Variants in VPS37A observed in about 807,000 individuals in gnomAD.
The protein encoded by VPS37A is VPS37A subunit of ESCRT-I, also known as vacuolar protein sorting-associated protein 37A.
VPS37A carries 30 observed loss-of-function variants against 49.8 expected under a neutral mutation model. The ratio of observed to expected loss-of-function variants is 0.60; its 90% CI spans 0.45 to 0.82. The LOEUF is 0.82. Ranked by LOEUF, VPS37A falls within the 40% of genes least tolerant of loss-of-function variation. The pLI, the probability that VPS37A is intolerant of heterozygous loss-of-function variation, is 0.00. For missense variants in VPS37A, 593 were observed against 464.4 expected (o/e 1.28, Z -2.55); for synonymous variants, 195 against 160.6 (o/e 1.21, Z -1.62).
intron 11 of VPS37A, among the ~76,000 whole-genome samples, chr8:17,291,430 A>AT (rs34051181): frequency 0.096 from 12,375 of 128,974 alleles, 743 homozygotes; most frequent in African/African-American, 0.18. Context: ...GGATTCATTG[A>AT]TTTTTTTTTT....
the VPS37A span, among the ~76,000 whole-genome samples, chr8:17,316,728 C>T: frequency 0.25 from 37,464 of 151,930 alleles, 4,942 homozygotes; most frequent in African/African-American, 0.32. Context: ...TACACAGCAC[C>T]TACATTGTAT....
Position 17,295,115 on chromosome 8 carries a change from A to G in VPS37A, c.*129A>G, listed in dbSNP as rs1342048548. 1.3e-5 allele frequency: 2 copies of G among 152,666 alleles called. No homozygotes were observed. The highest frequency in any genetic ancestry group is 4.8e-5 in the African/African-American group (2 of 41,478). The allele number at this position is 152,666 out of a possible 1,614,324, so 9.5% of individuals were successfully genotyped here. A position where few individuals can be genotyped will look rare whatever the true frequency, so the allele number is the denominator to read the frequency against. ...CACAGATATCCTATATAGATTGTAT[A>G]CAGAACTGAGACTGATTTTGTACCG... is the stretch of plus-strand genomic sequence containing the variant. On this transcript the variant is annotated 3_prime_UTR_variant, in exon 12 of 12. Coordinates refer to ENST00000324849, the MANE Select transcript of VPS37A (RefSeq NM_152415.3).
chr8:17,304,614 T>TA (rs1817331344), downstream of VPS37A: 1 of 1,365,806 alleles, frequency 7.3e-7, no homozygotes, highest in Non-Finnish European at 1.0e-6. Context: ...TAATAATTGT[T>TA]ACCTGAAAAC....
At chr8:17,321,016 G>T in the VPS37A span, among the ~76,000 whole-genome samples, 4 of 151,988 alleles carry the variant, frequency 2.6e-5, no homozygotes, top group Middle Eastern at 0.01. Flanking sequence ...TTACTGAACA[G>T]GCCAAACTTT....
At chr8:17,331,673 C>T in the VPS37A span, among the ~76,000 whole-genome samples, 2 of 152,170 alleles carry the variant, frequency 1.3e-5, no homozygotes, top group South Asian at 4.1e-4. Flanking sequence ...AAACAGCTGT[C>T]AAAATAAGGC....
At chr8:17,322,877 T>C in the VPS37A span, among the ~76,000 whole-genome samples, 1 of 152,022 alleles carries the variant, frequency 6.6e-6, no homozygotes, top group South Asian at 2.1e-4. Flanking sequence ...ATCTGCCATA[T>C]GTAAATAATG....
At chr8:17,329,496 G>T in the VPS37A span, among the ~76,000 whole-genome samples, 1 of 152,290 alleles carries the variant, frequency 6.6e-6, no homozygotes, top group East Asian at 1.9e-4. Flanking sequence ...CATAAGGGCA[G>T]GAGAAATGGT....
the VPS37A span, among the ~76,000 whole-genome samples, chr8:17,323,979 C>T: frequency 3.3e-5 from 5 of 152,136 alleles, no homozygotes; most frequent in African/African-American, 9.7e-5. Flanking sequence ...AATAAAACAT[C>T]GCTGAGAGAA....
rs146098391 is a variant in VPS37A at position 17,247,268 on chromosome 8, C to G, written c.24C>G (p.Thr8=). 2 of 1,570,452 alleles carry G rather than the reference C, an allele frequency of 1.3e-6. No individual in the cohort carries two copies. ...GGATGAGCTGGCTTTTTCCCCTGAC[C>G]AAGAGCGCCTCCTCCTCCGCGGCTG... MSWLFPL[T]KSASSSAAGS... The change falls in exon 1 of 12, where the codon ACC becomes ACG. Residue 8 remains threonine, a synonymous_variant. Coordinates refer to ENST00000324849, the MANE Select transcript of VPS37A (RefSeq NM_152415.3).
intron 10 of VPS37A, among the ~76,000 whole-genome samples, chr8:17,285,011 T>G (rs1441656110): frequency 6.6e-6 from 1 of 152,100 alleles, no homozygotes; most frequent in African/African-American, 2.4e-5. Context: ...GGGGCTCTTC[T>G]GAGCAGAAAT....
chr8:17,266,123 T>TA, intron 2 of VPS37A, 142 bp downstream of exon 2: 1 of 745,092 alleles, frequency 1.3e-6, no homozygotes, highest in Non-Finnish European at 2.1e-6. Flanking sequence ...TTCAGTGAAA[T>TA]AAAAATATTC....
At chr8:17,247,471 T>A in intron 1 of VPS37A, 102 bp downstream of exon 1, 1 of 1,448,982 alleles carries the variant, frequency 6.9e-7, no homozygotes, top group Non-Finnish European at 9.2e-7. Flanking sequence ...CACCAGCTCC[T>A]CATGTGGTTT....
intron 4 of VPS37A, among the ~76,000 whole-genome samples, chr8:17,271,027 A>C (rs990427852): frequency 6.6e-6 from 1 of 152,206 alleles, no homozygotes; most frequent in African/African-American, 2.4e-5. Context: ...GGAAGTAGGA[A>C]GCACACAGGA....
intron 1 of VPS37A, among the ~76,000 whole-genome samples, chr8:17,250,489 T>C (rs1385292314): frequency 1.3e-5 from 2 of 152,214 alleles, no homozygotes; most frequent in African/African-American, 4.8e-5. Flanking sequence ...TCTTGTTACA[T>C]GCTGTCCATC....
the VPS37A span, among the ~76,000 whole-genome samples, chr8:17,315,179 A>T: frequency 1.3e-5 from 2 of 152,238 alleles, no homozygotes; most frequent in African/African-American, 4.8e-5. Flanking sequence ...GAGATGAGCT[A>T]TGAAAAGACA....
intron 10 of VPS37A, among the ~76,000 whole-genome samples, chr8:17,285,533 A>G (rs1051116360): frequency 1.8e-4 from 27 of 152,226 alleles, no homozygotes; most frequent in African/African-American, 5.5e-4. Flanking sequence ...TCACATTTTA[A>G]AAATAGTATT....
At chr8:17,276,166 A>G (rs1814491305) in intron 5 of VPS37A, among the ~76,000 whole-genome samples, 1 of 152,028 alleles carries the variant, frequency 6.6e-6, no homozygotes, top group Non-Finnish European at 1.5e-5. Context: ...TACCTAACAC[A>G]GGTCCTCACA....
intron 1 of VPS37A, among the ~76,000 whole-genome samples, chr8:17,250,183 AAG>A (rs1284210216): frequency 6.6e-6 from 1 of 152,180 alleles, no homozygotes; most frequent in African/African-American, 2.4e-5. Context: ...TCAATGGAGA[AAG>A]AGGGGCAGGA....
At chr8:17,311,504 C>T in the VPS37A span, 1 of 1,614,118 alleles carries the variant, frequency 6.2e-7, no homozygotes, top group Non-Finnish European at 8.5e-7. Context: ...CCAGTGGCCA[C>T]ACTCACCATG....
Sources: allele counts gnomAD v4.1 joint callset (sites outside exome capture counted in the v4.1 genomes callset), GRCh38; gene constraint gnomAD v4.1.1; transcripts MANE v1.5; gene names NCBI Gene and HGNC (gene_info 2026-07-23, HGNC 2026-07-21).